Variants in SGCZ observed in about 807,000 individuals in gnomAD.
SGCZ encodes the protein sarcoglycan zeta.
SGCZ carries 40 observed loss-of-function variants against 41.3 expected under a neutral mutation model. That is an observed-to-expected ratio of 0.97 (90% CI 0.75 to 1.26). The LOEUF is 1.26. Ranked by LOEUF, SGCZ falls within the 50% of genes most tolerant of loss-of-function variation. The pLI, the probability that SGCZ is intolerant of heterozygous loss-of-function variation, is 0.00. For synonymous variants in SGCZ, 206 were observed against 137.5 expected (o/e 1.50, Z -3.49); for missense variants, 552 against 369.8 (o/e 1.49, Z -4.04).
At chr8:14,329,454 T>C (rs1802237670) in intron 2 of SGCZ, among the ~76,000 whole-genome samples, 1 of 152,180 alleles carries the variant, frequency 6.6e-6, no homozygotes, top group African/African-American at 2.4e-5. Context: ...ATTTAAAAAA[T>C]ATCAACTTCT....
intron 1 of SGCZ, among the ~76,000 whole-genome samples, chr8:14,634,333 T>C (rs754882421): frequency 1.3e-5 from 2 of 151,868 alleles, no homozygotes; most frequent in African/African-American, 4.8e-5. Flanking sequence ...TTTAAAGGGA[T>C]ACTGGTTTCA....
chr8:15,051,674 T>G (rs1171874066), intron 1 of SGCZ, among the ~76,000 whole-genome samples: 2 of 152,208 alleles, frequency 1.3e-5, no homozygotes, highest in Non-Finnish European at 2.9e-5. Context: ...GTTACCATTT[T>G]TTAAAAAAAT....
chr8:14,661,753 G>A (rs1242276154), intron 1 of SGCZ, among the ~76,000 whole-genome samples: 1 of 151,936 alleles, frequency 6.6e-6, no homozygotes, highest in African/African-American at 2.4e-5. Context: ...CAATGAATGG[G>A]AGAAGAAAAT....
intron 3 of SGCZ, among the ~76,000 whole-genome samples, chr8:14,286,447 T>C (rs1800632884): frequency 6.9e-6 from 1 of 144,058 alleles, no homozygotes; most frequent in Non-Finnish European, 1.6e-5. Flanking sequence ...GACAAAGAAG[T>C]TCCCTTCTCA....
At chr8:15,051,982 A>G (rs949222512) in intron 1 of SGCZ, among the ~76,000 whole-genome samples, 2 of 152,210 alleles carry the variant, frequency 1.3e-5, no homozygotes, top group Admixed American at 6.5e-5. Flanking sequence ...ACTCGAGGCC[A>G]AGATCATTGA....
intron 5 of SGCZ, among the ~76,000 whole-genome samples, chr8:14,121,162 T>G (rs975555587): frequency 1.3e-5 from 2 of 152,106 alleles, no homozygotes; most frequent in African/African-American, 2.4e-5. Flanking sequence ...GCAAAGTCAA[T>G]GTTGAATATT....
At chr8:14,901,803 T>C (rs758847412) in intron 1 of SGCZ, among the ~76,000 whole-genome samples, 4 of 152,154 alleles carry the variant, frequency 2.6e-5, no homozygotes, top group Non-Finnish European at 5.9e-5. Context: ...TTTTTGTATG[T>C]TTCATGTGCA....
intron 3 of SGCZ, among the ~76,000 whole-genome samples, chr8:14,310,782 T>A (rs1563249993): frequency 6.6e-6 from 1 of 152,160 alleles, no homozygotes; most frequent in Non-Finnish European, 1.5e-5. Flanking sequence ...TCTTTTGTGG[T>A]GTCTTCCATG....
At chr8:14,909,481 G>A (rs1455038427) in intron 1 of SGCZ, among the ~76,000 whole-genome samples, 1 of 151,670 alleles carries the variant, frequency 6.6e-6, no homozygotes, top group African/African-American at 2.4e-5. Flanking sequence ...AATCTTAAGA[G>A]GTTATCTTAA....
At chr8:15,202,387 G>C (rs1159103721) in intron 1 of SGCZ, among the ~76,000 whole-genome samples, 3 of 152,070 alleles carry the variant, frequency 2.0e-5, no homozygotes, top group Non-Finnish European at 4.4e-5. Flanking sequence ...TTTTAAATAA[G>C]GTAACTCAGG....
chr8:14,289,121 T>A (rs1800751760), intron 3 of SGCZ, among the ~76,000 whole-genome samples: 2 of 152,090 alleles, frequency 1.3e-5, no homozygotes, highest in Non-Finnish European at 2.9e-5. Context: ...TGTAACTCAG[T>A]TGTCTTCATG....
chr8:14,773,984 A>C (rs1388419133), intron 1 of SGCZ, among the ~76,000 whole-genome samples: 2 of 152,234 alleles, frequency 1.3e-5, no homozygotes, highest in Non-Finnish European at 1.5e-5. Flanking sequence ...ATGACTAATC[A>C]ATAAAGCAAG....
intron 1 of SGCZ, among the ~76,000 whole-genome samples, chr8:14,873,730 G>A (rs1422847248): frequency 1.3e-5 from 2 of 152,110 alleles, no homozygotes; most frequent in East Asian, 1.9e-4. Context: ...TCCTTCCACT[G>A]ATTTTGGTTG....
intron 1 of SGCZ, among the ~76,000 whole-genome samples, chr8:14,960,198 C>A (rs369926490): frequency 6.6e-6 from 1 of 152,062 alleles, no homozygotes; most frequent in Non-Finnish European, 1.5e-5. Flanking sequence ...AGGGTGAATG[C>A]AATATTTTTT....
intron 5 of SGCZ, among the ~76,000 whole-genome samples, chr8:14,127,917 C>T (rs2117050326): frequency 6.6e-6 from 1 of 152,282 alleles, no homozygotes; most frequent in Non-Finnish European, 1.5e-5. Flanking sequence ...GCTCCCTCCT[C>T]CCAACCTCCC....
At chr8:14,571,818 A>T (rs1025374140) in intron 1 of SGCZ, among the ~76,000 whole-genome samples, 2 of 152,166 alleles carry the variant, frequency 1.3e-5, no homozygotes, top group East Asian at 1.9e-4. Context: ...ATAAAACAAG[A>T]CAGTTTAAAA....
At chr8:14,732,688 G>C (rs1022025228) in intron 1 of SGCZ, among the ~76,000 whole-genome samples, 1 of 152,154 alleles carries the variant, frequency 6.6e-6, no homozygotes, top group African/African-American at 2.4e-5. Context: ...TTTCCGAATA[G>C]GTCTTTTCCT....
chr8:14,687,170 A>AT (rs201448500), intron 1 of SGCZ, among the ~76,000 whole-genome samples: 8,062 of 141,820 alleles, frequency 0.057, 299 homozygotes, highest in Non-Finnish European at 0.082. Flanking sequence ...AAGAAAAAAA[A>AT]AATATATATA....
At chr8:14,363,594 T>C (rs1486633489) in intron 2 of SGCZ, among the ~76,000 whole-genome samples, 1 of 152,142 alleles carries the variant, frequency 6.6e-6, no homozygotes, top group African/African-American at 2.4e-5. Flanking sequence ...TCTGACACAT[T>C]GGTGCTTTGA....
Sources: allele counts gnomAD v4.1 joint callset (sites outside exome capture counted in the v4.1 genomes callset), GRCh38; gene constraint gnomAD v4.1.1; transcripts MANE v1.5; gene names NCBI Gene and HGNC (gene_info 2026-07-23, HGNC 2026-07-21).